The following ERBB4 variants were observed in gnomAD, a reference collection of about 807,000 sequenced individuals.
ERBB4 encodes receptor tyrosine-protein kinase erbB-4.
A neutral mutation model predicts 158.0 loss-of-function variants in ERBB4; 42 were observed. The ratio of observed to expected loss-of-function variants is 0.27; its 90% confidence interval spans 0.21 to 0.34. ERBB4 has a LOEUF of 0.34. ERBB4 is among the 10% of genes least tolerant of loss of function. ERBB4 has a pLI of 1.00. For synonymous variants in ERBB4, 583 were observed against 558.7 expected (o/e 1.04, Z -0.61); for missense variants, 1,333 against 1,624.1 (o/e 0.82, Z 3.08).
intron 2 of ERBB4, among the ~76,000 whole-genome samples, chr2:212,029,695 C>A (rs1385719587): frequency 6.6e-6 from 1 of 152,088 alleles, no homozygotes; most frequent in South Asian, 2.1e-4. Flanking sequence ...TCATCTCATA[C>A]AGTCTTCCAA....
intron 2 of ERBB4, among the ~76,000 whole-genome samples, chr2:212,102,090 T>TTTTATATATATATATATA (rs1553558604): frequency 2.8e-5 from 3 of 107,978 alleles, no homozygotes; most frequent in Non-Finnish European, 4.1e-5. Flanking sequence ...AAAATTTATT[T>TTTTATATATATATATATA]TATATATATA....
intron 1 of ERBB4, among the ~76,000 whole-genome samples, chr2:212,470,563 T>C (rs930960612): frequency 1.3e-5 from 2 of 152,152 alleles, no homozygotes; most frequent in Admixed American, 1.3e-4. Context: ...GACTGGAAGA[T>C]GTTGGCAGCT....
At position 212,102,022 on chromosome 2, in the gene ERBB4, C is replaced by G. The variant is rs547067379; in HGVS notation, c.234+22730G>C. ...TCTCAAGTTAATTATGTGGGTAGAA[C>G]TCTTTCCCTTGAACTTGTCCTTATT... On this transcript the variant is annotated intron_variant, in intron 2 of 27. Coordinates refer to ENST00000342788, the MANE Select transcript of ERBB4 (RefSeq NM_005235.3). Among the ~76,000 whole-genome samples the G allele has an allele frequency of 2.7e-5, 4 of 147,144 alleles. No individual in the cohort carries two copies. The East Asian group carries it at 7.9e-4, about 29-fold the overall frequency.
intron 1 of ERBB4, among the ~76,000 whole-genome samples, chr2:212,402,646 T>A (rs1173591776): frequency 1.3e-5 from 2 of 152,078 alleles, no homozygotes; most frequent in Admixed American, 1.3e-4. Flanking sequence ...TACAACTGCA[T>A]GTGAATCTGC....
intron 1 of ERBB4, among the ~76,000 whole-genome samples, chr2:212,189,290 G>A (rs989771155): frequency 6.6e-6 from 1 of 152,236 alleles, no homozygotes; most frequent in African/African-American, 2.4e-5. Flanking sequence ...CTTATTCACT[G>A]TTCCTTAAAT....
chr2:212,287,143 C>G (rs1046581324), intron 1 of ERBB4, among the ~76,000 whole-genome samples: 1 of 152,168 alleles, frequency 6.6e-6, no homozygotes, highest in South Asian at 2.1e-4. Flanking sequence ...CCAGCCCCTG[C>G]CTCTTTGCAG....
chr2:212,434,382 G>A (rs2092092993), intron 1 of ERBB4, among the ~76,000 whole-genome samples: 1 of 151,848 alleles, frequency 6.6e-6, no homozygotes, highest in Non-Finnish European at 1.5e-5. Context: ...GATACTACAA[G>A]TCTTCTACAC....
intron 1 of ERBB4, among the ~76,000 whole-genome samples, chr2:212,246,456 C>T (rs1277032612): frequency 6.6e-6 from 1 of 152,030 alleles, no homozygotes; most frequent in Non-Finnish European, 1.5e-5. Context: ...ATTTATTCAA[C>T]AAATATGTAT....
intron 12 of ERBB4, among the ~76,000 whole-genome samples, chr2:211,687,322 G>A (rs1332736270): frequency 1.5e-5 from 2 of 129,474 alleles, no homozygotes; most frequent in Non-Finnish European, 1.7e-5. Context: ...AAAAAAAAAA[G>A]ACAAGAAAAA....
chr2:211,417,012 C>A (rs557351459), intron 25 of ERBB4, among the ~76,000 whole-genome samples: 1 of 152,092 alleles, frequency 6.6e-6, no homozygotes, highest in Admixed American at 6.5e-5. Context: ...TAATAGGTAA[C>A]GTGCATGCAT....
intron 1 of ERBB4, among the ~76,000 whole-genome samples, chr2:212,256,356 C>T (rs559270094): frequency 2.0e-5 from 3 of 152,064 alleles, no homozygotes; most frequent in South Asian, 4.2e-4. Flanking sequence ...GCCTTATCAT[C>T]GTCATCATTT....
chr2:212,285,309 A>G (rs559571007), intron 1 of ERBB4, among the ~76,000 whole-genome samples: 3 of 152,106 alleles, frequency 2.0e-5, no homozygotes, highest in Non-Finnish European at 4.4e-5. Flanking sequence ...GCAAACCCTC[A>G]CACACAAAAT....
At chr2:212,209,939 T>C (rs2082880797) in intron 1 of ERBB4, among the ~76,000 whole-genome samples, 1 of 152,070 alleles carries the variant, frequency 6.6e-6, no homozygotes, top group Admixed American at 6.6e-5. Flanking sequence ...CTTGCTTGAC[T>C]GACCTGCATT....
At chr2:211,653,532 T>C (rs1327812029) in intron 16 of ERBB4, among the ~76,000 whole-genome samples, 2 of 125,896 alleles carry the variant, frequency 1.6e-5, no homozygotes, top group Non-Finnish European at 3.1e-5. Flanking sequence ...TATAATGGGG[T>C]GGAAGGACTA....
chr2:212,334,612 CT>C (rs2088339920), intron 1 of ERBB4, among the ~76,000 whole-genome samples: 1 of 151,818 alleles, frequency 6.6e-6, no homozygotes, highest in African/African-American at 2.4e-5. Context: ...TATTTGTTTC[CT>C]TGACTGGATC....
At chr2:211,476,466 G>A (rs1304631266) in intron 20 of ERBB4, among the ~76,000 whole-genome samples, 1 of 151,838 alleles carries the variant, frequency 6.6e-6, no homozygotes, top group Non-Finnish European at 1.5e-5. Context: ...GTAACATCAG[G>A]TAGAATTGAC....
intron 19 of ERBB4, among the ~76,000 whole-genome samples, chr2:211,574,351 A>G (rs1337947796): frequency 6.6e-6 from 1 of 152,226 alleles, no homozygotes; most frequent in African/African-American, 2.4e-5. Flanking sequence ...GCTAAAGTAG[A>G]TTTTGGCATT....
intron 3 of ERBB4, among the ~76,000 whole-genome samples, chr2:211,809,586 C>G (rs564267045): frequency 8.5e-5 from 13 of 152,136 alleles, no homozygotes; most frequent in African/African-American, 2.9e-4. Flanking sequence ...CTCTTTTCTT[C>G]TTTATTAGTC....
intron 13 of ERBB4, among the ~76,000 whole-genome samples, chr2:211,674,544 A>G (rs1024547129): frequency 6.6e-6 from 1 of 152,150 alleles, no homozygotes; most frequent in Non-Finnish European, 1.5e-5. Context: ...CATTTTATAA[A>G]GTGAGATAGC....
Sources: gnomAD v4.1 joint callset for allele counts (sites outside exome capture counted in the v4.1 genomes callset) on GRCh38, gnomAD v4.1.1 for gene constraint, MANE v1.5 for transcripts, NCBI Gene and HGNC (gene_info 2026-07-23, HGNC 2026-07-21) for gene names.